The following UBFD1 variants were observed in gnomAD, a reference collection of about 807,000 sequenced individuals.
The protein encoded by UBFD1 is ubiquitin domain-containing protein UBFD1.
UBFD1 carries 12 observed loss-of-function variants against 35.1 expected under a neutral mutation model. The observed-to-expected ratio is 0.34, with a 90% CI of 0.22 to 0.55. UBFD1 has a LOEUF of 0.55. Among genes scored for constraint, UBFD1 ranks in the 20% least tolerant of loss-of-function variants. The probability of loss-of-function intolerance (pLI) is 0.89; values close to 1 mark genes in which losing one functional copy is unlikely to be tolerated. For synonymous variants in UBFD1, 178 were observed against 167.6 expected (o/e 1.06, Z -0.48); for missense variants, 337 against 410.8 (o/e 0.82, Z 1.55).
rs1966121453 is a variant in UBFD1, at chr16:23,574,024, C to T, written c.*3434C>T. 6.6e-6 allele frequency: 1 copy of T among 152,320 alleles called. No individual in the cohort carries two copies. The highest frequency in any genetic ancestry group is 1.5e-5 in the Non-Finnish European group (1 of 68,046). 9.4% of individuals were successfully genotyped at this position (152,320 alleles called of 1,614,324 possible). ...AGTTAGGATCTGCACCTGTTTCCTTCGTAATAGTGCCTGGCGGCCTTTCTG... is the reference window on the plus strand; with the variant it reads ...AGTTAGGATCTGCACCTGTTTCCTTTGTAATAGTGCCTGGCGGCCTTTCTG... On this transcript the variant is annotated 3_prime_UTR_variant, in exon 7 of 7. Transcript: ENST00000395878.
At chr16:23,568,992 G>A (rs1223692183) in intron 6 of UBFD1, 1 of 152,152 alleles carries the variant, frequency 6.6e-6, no homozygotes, top group Non-Finnish European at 1.5e-5. Flanking sequence ...AAGTTGAGTG[G>A]ACTGTTTTGG....
chr16:23,562,430 G>C (rs981578026), intron 4 of UBFD1, among the ~76,000 whole-genome samples, 159 bp downstream of exon 4: 1 of 151,732 alleles, frequency 6.6e-6, no homozygotes, highest in Non-Finnish European at 1.5e-5. Context: ...ACCACACCTG[G>C]CTAATTTTTG....
chr16:23,569,763 C>G (rs1966059432), intron 6 of UBFD1: 1 of 152,220 alleles, frequency 6.6e-6, no homozygotes, highest in South Asian at 2.1e-4. Context: ...TCCTTCCCAT[C>G]TATCCATTCT....
intron 5 of UBFD1, 144 bp from the exon 6 acceptor site, chr16:23,566,843 C>T (rs1252805116): frequency 1.8e-5 from 13 of 711,670 alleles, no homozygotes; most frequent in East Asian, 1.0e-4. Flanking sequence ...AAGACCCTGT[C>T]GTGTTGTCCC....
At position 23,570,908 on chromosome 16, in the gene UBFD1, A is replaced by G. The variant is rs561864665; in HGVS notation, c.*318A>G. 1.6e-3 allele frequency: 270 copies of G among 173,896 alleles called. No homozygotes were observed. Among genetic ancestry groups the G allele is most frequent in the South Asian group, 2.3e-3 (12 of 5,140 alleles). 10.8% of individuals were successfully genotyped at this position (173,896 alleles called of 1,614,324 possible). A position where few individuals can be genotyped will look rare whatever the true frequency, so the allele number is the denominator to read the frequency against. ...AGTGTGTTTGAGAGTAGATCTGCCA[A>G]TTATGTTGACAAGGGAATGATCAAA... On this transcript the variant is annotated 3_prime_UTR_variant, in exon 7 of 7. Coordinates refer to ENST00000395878, the MANE Select transcript of UBFD1 (RefSeq NM_019116.3).
In UBFD1 at chr16:23,558,077, A is replaced by G; in HGVS notation, c.153A>G (p.Arg51=). ...CGGCCGAGGACTCCGGCGCCGCACGAGGCAGCCTGCAGCCGGCCCCGGCCC... is the reference window on the plus strand; with the variant it reads ...CGGCCGAGGACTCCGGCGCCGCACGGGGCAGCCTGCAGCCGGCCCCGGCCC... ...GAAAEDSGAA[R]GSLQPAPAQP... is the part of the protein sequence containing the mutation. Residue 51 remains arginine (R), a synonymous_variant, in exon 2 of 7, where the codon CGA becomes CGG. Coordinates refer to ENST00000395878, the MANE Select transcript of UBFD1 (RefSeq NM_019116.3). 2.7e-6 allele frequency: 4 copies of G among 1,464,298 alleles called. No homozygotes were observed. The highest frequency in any genetic ancestry group is 3.6e-6 in the Non-Finnish European group (4 of 1,113,018). 90.7% of individuals were successfully genotyped at this position (1,464,298 alleles called of 1,614,324 possible).
intron 6 of UBFD1, among the ~76,000 whole-genome samples, chr16:23,568,492 C>T (rs966224988): frequency 6.6e-6 from 1 of 151,510 alleles, no homozygotes. Context: ...GGATTGCAGA[C>T]AAATTGGTTT....
rs1361029232 is a variant in UBFD1, at chr16:23,573,950, G to C, written c.*3360G>C. ...TGCCTCTGTTCACACCTGTTGTCTTGGAAGAGGATGGTCCCTTTGTCTTAA... is the reference window on the plus strand; with the variant it reads ...TGCCTCTGTTCACACCTGTTGTCTTCGAAGAGGATGGTCCCTTTGTCTTAA... On this transcript the variant is annotated 3_prime_UTR_variant, in exon 7 of 7. Transcript: ENST00000395878. The C allele has an allele frequency of 1.3e-5, 2 of 152,202 alleles. No individual in the cohort carries two copies. Among genetic ancestry groups the C allele is most frequent in the Non-Finnish European group, 2.9e-5 (2 of 68,060 alleles). 9.4% of individuals were successfully genotyped at this position (152,202 alleles called of 1,614,324 possible). A position where few individuals can be genotyped will look rare whatever the true frequency, so the allele number is the denominator to read the frequency against.
At chr16:23,562,082 T>G in intron 3 of UBFD1, 124 bp from the exon 4 acceptor site, 1 of 807,388 alleles carries the variant, frequency 1.2e-6, no homozygotes. Flanking sequence ...GGATCCATAG[T>G]CTGTCGTCAT....
rs760303652 is a variant in UBFD1, at chr16:23,557,994, A to C, written c.70A>C (p.Thr24Pro). 8.8e-6 allele frequency: 12 copies of C among 1,370,434 alleles called. No homozygotes were observed. In the South Asian group the frequency reaches 2.5e-4, roughly 29 times the overall value. The allele number at this position is 1,370,434 out of a possible 1,614,324, so 84.9% of individuals were successfully genotyped here. A position where few individuals can be genotyped will look rare whatever the true frequency, so the allele number is the denominator to read the frequency against. ...GMDTEAETVA[T>P]EAPARPVNCL... ...GGACACGGAGGCCGAGACTGTGGCT[A>C]CTGAGGCTCCCGCGCGGCCCGTCAA... The change falls in exon 2 of 7, where the codon ACT (threonine) becomes CCT (proline). Residue 24 changes from threonine to proline, a missense_variant. Around this residue, in one of 4 missense-constraint regions of UBFD1, gnomAD observed 198 missense variants for 168.4 expected, o/e 1.18. Transcript: ENST00000395878.
At chr16:23,559,378 T>C in intron 2 of UBFD1, 90 bp from the exon 3 acceptor site, 1 of 1,170,186 alleles carries the variant, frequency 8.5e-7, no homozygotes, top group Non-Finnish European at 1.2e-6. Context: ...CAGTATTCAC[T>C]TTTTGGTCTG....
rs1597046766 is a variant in UBFD1, at chr16:23,571,836, A to C, written c.*1246A>C. The C allele has an allele frequency of 2.0e-5, 3 of 152,632 alleles. No homozygotes were observed. Among genetic ancestry groups the C allele is most frequent in the Admixed American group, 2.0e-4 (3 of 15,284 alleles). 9.5% of individuals were successfully genotyped at this position (152,632 alleles called of 1,614,324 possible). On this transcript the variant is annotated 3_prime_UTR_variant, in exon 7 of 7. Transcript: ENST00000395878. ...GTTTTAGCCCTTCTGTTCTCTGTAC[A>C]CGTGAACTTCTGTCATCTCCTTCTG...
intron 5 of UBFD1, among the ~76,000 whole-genome samples, chr16:23,563,689 G>T (rs965789740): frequency 6.6e-6 from 1 of 152,156 alleles, no homozygotes; most frequent in Non-Finnish European, 1.5e-5. Flanking sequence ...TAACCATAGC[G>T]TTCAGTGTTC....
chr16:23,559,044 A>C (rs181959766), intron 2 of UBFD1: 1 of 152,682 alleles, frequency 6.5e-6, no homozygotes, highest in Admixed American at 6.5e-5. Flanking sequence ...TTTTTTTTAA[A>C]GCTTTCTACA....
At chr16:23,567,531 G>T (rs916565904) in intron 6 of UBFD1, among the ~76,000 whole-genome samples, 1 of 152,212 alleles carries the variant, frequency 6.6e-6, no homozygotes, top group East Asian at 1.9e-4. Flanking sequence ...GTGGCTGAGG[G>T]CCTCGTGGGG....
At chr16:23,562,170 C>G in intron 3 of UBFD1, 36 bp from the exon 4 acceptor site, 1 of 1,573,284 alleles carries the variant, frequency 6.4e-7, no homozygotes, top group Non-Finnish European at 8.7e-7. Flanking sequence ...GAAATGTAGT[C>G]AGCTGTTTCA....
In UBFD1 at chr16:23,558,038, C is replaced by T. The variant is rs972525407; in HGVS notation, c.114C>T (p.Ala38=). 1.5e-5 allele frequency: 20 copies of T among 1,344,184 alleles called. No individual in the cohort carries two copies. The highest frequency in any genetic ancestry group is 1.8e-5 in the Non-Finnish European group (19 of 1,051,960). 83.3% of individuals were successfully genotyped at this position (1,344,184 alleles called of 1,614,324 possible). A position where few individuals can be genotyped will look rare whatever the true frequency, so the allele number is the denominator to read the frequency against. The change falls in exon 2 of 7, where the codon GCC becomes GCT. Residue 38 remains alanine, a synonymous_variant. Transcript: ENST00000395878. ...CCGTCAACTGCCTGGAGGCTGAAGC[C>T]GCGGCGGGGGCGGCGGCCGAGGACT... is the stretch of plus-strand genomic sequence containing the variant. The part of the protein sequence containing the change: ...ARPVNCLEAE[A]AAGAAAEDSG...
At chr16:23,563,461 G>A (rs1404120502) in intron 5 of UBFD1, among the ~76,000 whole-genome samples, 12 of 151,838 alleles carry the variant, frequency 7.9e-5, no homozygotes, top group Admixed American at 7.9e-4. Context: ...ACAAAGTCTT[G>A]TTAGTTACAC....
Position 23,557,961 on chromosome 16 carries a change from C to G in UBFD1, c.37C>G (p.Pro13Ala). The change falls in exon 2 of 7, where the codon CCT becomes GCT. Residue 13 changes from proline to alanine, a missense_variant. Transcript: ENST00000395878. ...AAGAPDGMEE[P>A]GMDTEAETVA... Reference sequence around the variant, plus strand: ...TAACCCCCTTGCAGGCATGGAGGAACCTGGCATGGACACGGAGGCCGAGAC... The same window carrying G: ...TAACCCCCTTGCAGGCATGGAGGAAGCTGGCATGGACACGGAGGCCGAGAC... 3 of 1,357,774 alleles carry G rather than the reference C, an allele frequency of 2.2e-6. No individual in the cohort carries two copies. The highest frequency in any genetic ancestry group is 2.8e-6 in the Non-Finnish European group (3 of 1,056,760). 84.1% of individuals were successfully genotyped at this position (1,357,774 alleles called of 1,614,324 possible). A position where few individuals can be genotyped will look rare whatever the true frequency, so the allele number is the denominator to read the frequency against.
Sources: allele counts gnomAD v4.1 joint callset (sites outside exome capture counted in the v4.1 genomes callset), GRCh38; gene constraint gnomAD v4.1.1; regional missense constraint gnomAD v4.1.1; transcripts MANE v1.5; gene names NCBI Gene and HGNC (gene_info 2026-07-23, HGNC 2026-07-21).